Variants in SLC15A5 observed in about 807,000 individuals in gnomAD.
SLC15A5 encodes Peptide/histidine transporter ENSP00000340402.
In SLC15A5, 58 loss-of-function variants were observed where a neutral mutation model predicts 56.1. The observed-to-expected ratio is 1.03, with a 90% CI of 0.84 to 1.29. SLC15A5 has a LOEUF of 1.29. SLC15A5 is among the 50% of genes most tolerant of loss of function. SLC15A5 has a pLI of 0.00. For synonymous variants in SLC15A5, 264 were observed against 250.5 expected, an observed-to-expected ratio of 1.05 and a Z score of -0.51; for missense variants, 681 against 672.1, an observed-to-expected ratio of 1.01 and a Z score of -0.15.
At chr12:16,230,475 T>C (rs987381098) in intron 5 of SLC15A5, among the ~76,000 whole-genome samples, 2 of 152,176 alleles carry the variant, frequency 1.3e-5, no homozygotes, top group African/African-American at 4.8e-5. Flanking sequence ...AATTTAATAC[T>C]TGTCCCATAG....
intron 5 of SLC15A5, among the ~76,000 whole-genome samples, chr12:16,233,640 C>T (rs1864320635): frequency 6.6e-6 from 1 of 152,140 alleles, no homozygotes; most frequent in South Asian, 2.1e-4. Flanking sequence ...GAAATTGTGG[C>T]ATTTTACCTG....
At chr12:16,244,824 G>T in intron 3 of SLC15A5, 24 bp from the exon 4 acceptor site, 1 of 1,522,672 alleles carries the variant, frequency 6.6e-7, no homozygotes, top group East Asian at 2.5e-5. Flanking sequence ...GAGATATTAT[G>T]TATTAGTATA....
At position 16,189,723 on chromosome 12, in the gene SLC15A5, T is replaced by TA. The variant is rs1863822250; in HGVS notation, c.1684dup (p.Tyr562LeufsTer12). On this transcript the variant is annotated frameshift_variant, in exon 9 of 9. Coordinates refer to ENST00000344941, the MANE Select transcript of SLC15A5 (RefSeq NM_001170798.1). LOFTEE classifies it high-confidence loss of function. ...TGAAGAAAATTCCTGTATACTGCCA[T>TA]AAAATTTCAGAGATTTTTCGTGGAG... 2.0e-6 allele frequency: 3 copies of TA among 1,531,338 alleles called. No homozygotes were observed. Among genetic ancestry groups the TA allele is most frequent in the Non-Finnish European group, 1.7e-6 (2 of 1,143,946 alleles). 94.9% of individuals were successfully genotyped at this position (1,531,338 alleles called of 1,614,324 possible). A position where few individuals can be genotyped will look rare whatever the true frequency, so the allele number is the denominator to read the frequency against.
intron 1 of SLC15A5, 133 bp from the exon 2 acceptor site, chr12:16,272,916 T>C: frequency 6.2e-6 from 5 of 806,648 alleles, no homozygotes; most frequent in Non-Finnish European, 7.7e-6. Flanking sequence ...ATGGTAGTCA[T>C]TGCAATTTCA....
intron 8 of SLC15A5, among the ~76,000 whole-genome samples, chr12:16,193,588 A>G (rs1436432101): frequency 1.3e-5 from 2 of 151,986 alleles, no homozygotes; most frequent in African/African-American, 2.4e-5. Context: ...AGATAAATGG[A>G]TGGAAGGAAG....
chr12:16,268,991 G>C (rs1252511295), intron 2 of SLC15A5, among the ~76,000 whole-genome samples: 2 of 151,876 alleles, frequency 1.3e-5, no homozygotes, highest in Non-Finnish European at 2.9e-5. Flanking sequence ...CTTTATAAAA[G>C]AGACCTCCGA....
chr12:16,271,547 T>C lies in SLC15A5; in HGVS notation c.584+1014A>G, dbSNP rs963362082. The stretch of plus-strand genomic sequence containing the variant: ...AAATAGGGCTGAGTGCTTTGTAATA[T>C]TAATATAATTGGAGAAAGAAAAAAG... On this transcript the variant is annotated intron_variant, in intron 2 of 8. Coordinates refer to ENST00000344941, the MANE Select transcript of SLC15A5 (RefSeq NM_001170798.1). This position sits in a 1 kb window ranked among gnomAD's most constrained non-coding sequence, Gnocchi z 8.0. 3.3e-5 allele frequency among the ~76,000 whole-genome samples: 5 copies of C among 150,892 alleles called. No homozygotes were observed. The Admixed American group carries it at 3.3e-4, about 10-fold the overall frequency.
chr12:16,254,128 T>G (rs1864545538), intron 3 of SLC15A5, among the ~76,000 whole-genome samples: 1 of 152,044 alleles, frequency 6.6e-6, no homozygotes, highest in Admixed American at 6.6e-5. Flanking sequence ...TCTCAAGGTA[T>G]ATCCATGTTG....
At chr12:16,273,729 C>A (rs1242322915) in intron 1 of SLC15A5, among the ~76,000 whole-genome samples, 1 of 79,844 alleles carries the variant, frequency 1.3e-5, no homozygotes, top group East Asian at 3.4e-4. Context: ...ATCAAGTAGT[C>A]AAATAAATTT....
chr12:16,215,681 G>A (rs780709962), intron 7 of SLC15A5, among the ~76,000 whole-genome samples: 4 of 152,166 alleles, frequency 2.6e-5, no homozygotes, highest in East Asian at 1.9e-4. Flanking sequence ...GGTAGCACAC[G>A]GCCTGGTACA....
intron 7 of SLC15A5, among the ~76,000 whole-genome samples, chr12:16,197,641 T>C (rs1171164003): frequency 1.3e-5 from 2 of 152,102 alleles, no homozygotes; most frequent in African/African-American, 4.8e-5. Context: ...CCACAAACCT[T>C]AGATTATCAC....
At chr12:16,258,248 C>T (rs1360632452) in intron 2 of SLC15A5, among the ~76,000 whole-genome samples, 4 of 152,114 alleles carry the variant, frequency 2.6e-5, no homozygotes, top group Admixed American at 2.6e-4. Context: ...CATTCAAATA[C>T]CCCTAATGAA....
At chr12:16,227,024 AT>A (rs922449847) in intron 5 of SLC15A5, among the ~76,000 whole-genome samples, 1 of 152,100 alleles carries the variant, frequency 6.6e-6, no homozygotes, top group African/African-American at 2.4e-5. Flanking sequence ...CTGGTAGGTA[AT>A]TTTTTTGATT....
At chr12:16,199,088 A>ATTAT (rs1429678531) in intron 7 of SLC15A5, among the ~76,000 whole-genome samples, 1 of 151,842 alleles carries the variant, frequency 6.6e-6, no homozygotes, top group Non-Finnish European at 1.5e-5. Context: ...AGCTCTCAAC[A>ATTAT]TTATTCAAAG....
chr12:16,253,633 GGA>G (rs1315406319), intron 3 of SLC15A5, among the ~76,000 whole-genome samples: 1 of 152,084 alleles, frequency 6.6e-6, no homozygotes, highest in Non-Finnish European at 1.5e-5. Context: ...CATTTTGGGA[GGA>G]TGAGGTGGGA....
rs965854708 is a variant in SLC15A5 at position 16,238,405 on chromosome 12, A to T, written c.1162+1276T>A. 9.9e-5 allele frequency among the ~76,000 whole-genome samples: 15 copies of T among 152,086 alleles called. 1 individual carries two copies. The highest frequency in any genetic ancestry group is 9.2e-4 in the Admixed American group (14 of 15,262). On this transcript the variant is annotated intron_variant, in intron 5 of 8. Coordinates refer to ENST00000344941, the MANE Select transcript of SLC15A5 (RefSeq NM_001170798.1). ...CACTTTGGGAGGCCGAGGCGGGCGG[A>T]TCACGAGGTCAGGAGATTGAGACCA...
rs539133820 is a variant in SLC15A5, at chr12:16,249,732, A to C, written c.755-4932T>G. Among the ~76,000 whole-genome samples, 5 of 152,198 alleles carry C rather than the reference A, an allele frequency of 3.3e-5. No individual in the cohort carries two copies. In the South Asian group the frequency reaches 1.0e-3, roughly 32 times the overall value. ...CAAATAGTAGATTAAGAAGCAAATG[A>C]ATGGATGCTGAACAGTTATTTAGAA... On this transcript the variant is annotated intron_variant, in intron 3 of 8. Transcript: ENST00000344941.
chr12:16,205,166 T>C (rs550003127), intron 7 of SLC15A5, among the ~76,000 whole-genome samples: 4 of 152,104 alleles, frequency 2.6e-5, no homozygotes, highest in African/African-American at 7.2e-5. Flanking sequence ...CTATAAACAT[T>C]AAACATTTCA....
chr12:16,247,507 A>C (rs1156321886), intron 3 of SLC15A5, among the ~76,000 whole-genome samples: 2 of 152,174 alleles, frequency 1.3e-5, no homozygotes, highest in Non-Finnish European at 2.9e-5. Context: ...GGAAAATATT[A>C]GGCAAGTTCT....
Sources: gnomAD v4.1 joint callset for allele counts (sites outside exome capture counted in the v4.1 genomes callset) on GRCh38, gnomAD v4.1.1 for gene constraint, Gnocchi (gnomAD v3.1) non-coding constraint, MANE v1.5 for transcripts, NCBI Gene and HGNC (gene_info 2026-07-23, HGNC 2026-07-21) for gene names.